The following CNTNAP5 variants were observed in gnomAD, a reference collection of about 807,000 sequenced individuals.
CNTNAP5 encodes the protein contactin associated protein family member 5.
In CNTNAP5, 72 loss-of-function variants were observed where a neutral mutation model predicts 150.2. The observed-to-expected ratio is 0.48, with a 90% CI of 0.40 to 0.58. The LOEUF (loss-of-function observed/expected upper bound fraction) is 0.58. Among genes scored for constraint, CNTNAP5 ranks in the 20% least tolerant of loss-of-function variants. The pLI is 0.00. For synonymous variants in CNTNAP5, 672 were observed against 619.8 expected (o/e 1.08, Z -1.25); for missense variants, 1,636 against 1,626.2 (o/e 1.01, Z -0.10).
At chr2:124,384,498 A>C (rs1690881914) in intron 3 of CNTNAP5, among the ~76,000 whole-genome samples, 1 of 152,184 alleles carries the variant, frequency 6.6e-6, no homozygotes, top group Admixed American at 6.5e-5. Flanking sequence ...CTTATCAAGT[A>C]ACTATTGTAT....
intron 13 of CNTNAP5, among the ~76,000 whole-genome samples, chr2:124,715,229 T>TAAC (rs1302770560): frequency 1.3e-5 from 2 of 152,220 alleles, no homozygotes; most frequent in Non-Finnish European, 2.9e-5. Flanking sequence ...AGCATTGGGC[T>TAAC]AACCATTGAG....
chr2:124,673,347 A>G (rs1418787118), intron 13 of CNTNAP5, among the ~76,000 whole-genome samples: 1 of 152,174 alleles, frequency 6.6e-6, no homozygotes, highest in East Asian at 1.9e-4. Context: ...GACGATGACT[A>G]AAATGAGCAA....
chr2:124,789,871 T>C, intron 17 of CNTNAP5, 31 bp from the exon 18 acceptor site: 1 of 1,608,704 alleles, frequency 6.2e-7, no homozygotes, highest in East Asian at 2.2e-5. Flanking sequence ...TATAATACCT[T>C]ACATTTGTTT....
chr2:124,362,817 A>G (rs1690253233), intron 3 of CNTNAP5, among the ~76,000 whole-genome samples: 1 of 152,174 alleles, frequency 6.6e-6, no homozygotes, highest in South Asian at 2.1e-4. Context: ...TTTACGCCTC[A>G]TGAGCACACA....
intron 13 of CNTNAP5, among the ~76,000 whole-genome samples, chr2:124,730,936 T>A (rs1680258276): frequency 6.6e-6 from 1 of 152,140 alleles, no homozygotes; most frequent in Non-Finnish European, 1.5e-5. Context: ...ACTATCGTTA[T>A]GCTGATGATC....
At chr2:124,396,082 G>A (rs955954189) in intron 3 of CNTNAP5, among the ~76,000 whole-genome samples, 13 of 152,202 alleles carry the variant, frequency 8.5e-5, no homozygotes, top group African/African-American at 3.1e-4. Context: ...AGTACATTCA[G>A]GGATTGTGAG....
chr2:124,156,017 T>C (rs1391908989), intron 1 of CNTNAP5, among the ~76,000 whole-genome samples: 1 of 152,202 alleles, frequency 6.6e-6, no homozygotes, highest in Admixed American at 6.5e-5. Context: ...AGAAGCCCAG[T>C]TGGCCTTGCA....
chr2:124,610,599 T>C (rs1677357837), intron 12 of CNTNAP5, among the ~76,000 whole-genome samples: 1 of 152,158 alleles, frequency 6.6e-6, no homozygotes. Context: ...AGAAATGACA[T>C]ATGATCCTTA....
chr2:124,859,341 A>G (rs1386722016), intron 19 of CNTNAP5, among the ~76,000 whole-genome samples: 1 of 152,220 alleles, frequency 6.6e-6, no homozygotes, highest in Non-Finnish European at 1.5e-5. Flanking sequence ...GAGAAATGCA[A>G]ATCAAAACCA....
chr2:124,911,390 C>A, intron 22 of CNTNAP5, 77 bp from the exon 23 acceptor site: 1 of 1,046,306 alleles, frequency 9.6e-7, no homozygotes, highest in Non-Finnish European at 1.5e-6. Flanking sequence ...GTGTGTCATT[C>A]CAGGTGGGCC....
chr2:124,544,578 T>A (rs527806499), intron 10 of CNTNAP5, among the ~76,000 whole-genome samples: 55 of 151,332 alleles, frequency 3.6e-4, no homozygotes, highest in Admixed American at 3.1e-3. Flanking sequence ...AATGGAACAC[T>A]GTGTGGTGAT....
chr2:124,605,756 G>A (rs1310621007), intron 11 of CNTNAP5, among the ~76,000 whole-genome samples: 1 of 133,012 alleles, frequency 7.5e-6, no homozygotes, highest in Admixed American at 8.7e-5. Context: ...AGGTTGCAGT[G>A]AGGCAAGAGC....
intron 3 of CNTNAP5, among the ~76,000 whole-genome samples, chr2:124,301,993 T>C (rs1688576394): frequency 6.6e-6 from 1 of 152,156 alleles, no homozygotes; most frequent in Admixed American, 6.5e-5. Context: ...TCTAATCCAA[T>C]AGGACTGATG....
intron 10 of CNTNAP5, among the ~76,000 whole-genome samples, chr2:124,557,567 CCAAA>C (rs1458120633): frequency 3.9e-5 from 6 of 152,040 alleles, no homozygotes; most frequent in Non-Finnish European, 8.8e-5. Context: ...CGTCAGTGGA[CCAAA>C]CAGACAACAA....
intron 12 of CNTNAP5, among the ~76,000 whole-genome samples, chr2:124,610,825 G>T (rs1677363186): frequency 6.6e-6 from 1 of 152,044 alleles, no homozygotes; most frequent in Non-Finnish European, 1.5e-5. Flanking sequence ...TGGGTGCGGT[G>T]GCATGTGACT....
At chr2:124,856,734 T>C (rs1035290731) in intron 19 of CNTNAP5, among the ~76,000 whole-genome samples, 25 of 152,138 alleles carry the variant, frequency 1.6e-4, no homozygotes, top group African/African-American at 5.6e-4. Context: ...GGCTGAGTAT[T>C]AGAGGTGCTT....
At chr2:124,591,462 A>G (rs1490153125) in intron 11 of CNTNAP5, among the ~76,000 whole-genome samples, 1 of 152,182 alleles carries the variant, frequency 6.6e-6, no homozygotes, top group Non-Finnish European at 1.5e-5. Context: ...GAGAGATCAA[A>G]ATGCTAATCC....
intron 3 of CNTNAP5, among the ~76,000 whole-genome samples, chr2:124,328,379 G>T (rs1030187002): frequency 1.1e-4 from 16 of 152,128 alleles, no homozygotes; most frequent in African/African-American, 3.9e-4. Flanking sequence ...TTATAGGCAT[G>T]ATTTAAAGTA....
intron 14 of CNTNAP5, among the ~76,000 whole-genome samples, chr2:124,751,239 T>G (rs1680721669): frequency 6.6e-6 from 1 of 151,620 alleles, no homozygotes; most frequent in African/African-American, 2.4e-5. Flanking sequence ...GGGGAACATC[T>G]GTGTGCAGTG....
Sources: gnomAD v4.1 joint callset for allele counts (sites outside exome capture counted in the v4.1 genomes callset) on GRCh38, gnomAD v4.1.1 for gene constraint, MANE v1.5 for transcripts, NCBI Gene and HGNC (gene_info 2026-07-23, HGNC 2026-07-21) for gene names.